APOBEC3G: variants seen among roughly 807,000 people sequenced by gnomAD.
APOBEC3G encodes the protein apolipoprotein B mRNA editing enzyme catalytic subunit 3G, also known as DNA dC->dU-editing enzyme APOBEC-3G.
APOBEC3G carries 44 observed loss-of-function variants against 50.0 expected under a neutral mutation model. That is an observed-to-expected ratio of 0.88 (90% confidence interval 0.69 to 1.13). APOBEC3G has a LOEUF of 1.13. Ranked by LOEUF, APOBEC3G falls within the 50% of genes most tolerant of loss-of-function variation. APOBEC3G has a pLI of 0.00. For missense variants in APOBEC3G, 469 were observed against 492.0 expected, an observed-to-expected ratio of 0.95 and a Z score of 0.44; for synonymous variants, 156 against 175.3, an observed-to-expected ratio of 0.89 and a Z score of 0.87.
chr22:39,086,848 T>G (rs571352467), intron 6 of APOBEC3G, among the ~76,000 whole-genome samples, 163 bp from the exon 7 acceptor site: 1 of 151,970 alleles, frequency 6.6e-6, no homozygotes, highest in African/African-American at 2.4e-5. Context: ...CAGATTCCAA[T>G]AGGAAAGAAG....
In APOBEC3G at chr22:39,081,513, A is replaced by G. The variant is rs1264811688; in HGVS notation, c.509A>G (p.Glu170Gly). 5 of 1,613,998 alleles carry G rather than the reference A, an allele frequency of 3.1e-6. No homozygotes were observed. Among genetic ancestry groups the G allele is most frequent in the Non-Finnish European group, 4.2e-6 (5 of 1,180,008 alleles). Residue 170 changes from glutamate to glycine, a missense_variant, in exon 4 of 8, where the codon GAG becomes GGG. By Grantham distance (98) the Glu-to-Gly change is moderately conservative (BLOSUM62 -2). Coordinates refer to ENST00000407997, the MANE Select transcript of APOBEC3G (RefSeq NM_021822.4). ...AGCAAGTTCGTGTACAGCCAAAGAG[A>G]GCTATTTGAGCCTTGGAATAATCTG... Reference protein sequence around the residue: ...CWSKFVYSQRELFEPWNNLPK... With the variant: ...CWSKFVYSQRGLFEPWNNLPK...
In APOBEC3G at chr22:39,077,981, C is replaced by T. The variant is rs908931072; in HGVS notation, c.17+603C>T. 1.4e-4 allele frequency among the ~76,000 whole-genome samples: 21 copies of T among 152,136 alleles called. 1 individual carries two copies. The highest frequency in any genetic ancestry group is 3.9e-4 in the African/African-American group (16 of 41,436). The stretch of plus-strand genomic sequence containing the variant: ...CACCAGTAACATGGAATATAGTGGC[C>T]GGGTGCGGTGGCTCACACCTGTCAT... On this transcript the variant is annotated intron_variant, in intron 1 of 7. Coordinates refer to ENST00000407997, the MANE Select transcript of APOBEC3G (RefSeq NM_021822.4).
At position 39,087,704 on chromosome 22, in the gene APOBEC3G, G is replaced by T; in HGVS notation, c.*283G>T. 1.9e-6 allele frequency: 1 copy of T among 517,056 alleles called. No homozygotes were observed. Among genetic ancestry groups the T allele is most frequent in the Non-Finnish European group, 3.4e-6 (1 of 296,992 alleles). The allele number at this position is 517,056 out of a possible 1,614,324, so 32.0% of individuals were successfully genotyped here. ...TCCAGCGACAATTTGAATCGGTTTT[G>T]TAGGTAGAGGAATAAAATGAAATAC... On this transcript the variant is annotated 3_prime_UTR_variant, in exon 8 of 8. Coordinates refer to ENST00000407997, the MANE Select transcript of APOBEC3G (RefSeq NM_021822.4).
chr22:39,083,379 GAGAGCGAGC>G (rs1928558335), intron 4 of APOBEC3G, among the ~76,000 whole-genome samples: 1 of 152,222 alleles, frequency 6.6e-6, no homozygotes, highest in African/African-American at 2.4e-5. Context: ...AGCAAGGACT[GAGAGCGAGC>G]AGAGCCAGGA....
At chr22:39,084,015 TG>T (rs1403566989) in intron 5 of APOBEC3G, 131 bp downstream of exon 5, 3 of 1,206,902 alleles carry the variant, frequency 2.5e-6, no homozygotes, top group Non-Finnish European at 3.4e-6. Context: ...TAGCTGCTGC[TG>T]CTTGGCCCTG....
chr22:39,080,159 G>A, intron 2 of APOBEC3G: 1 of 560,304 alleles, frequency 1.8e-6, no homozygotes, highest in Non-Finnish European at 2.4e-6. Context: ...GACATGGACA[G>A]TGCAGGTCCA....
intron 2 of APOBEC3G, chr22:39,080,151 C>A: frequency 2.0e-6 from 1 of 510,680 alleles, no homozygotes; most frequent in Non-Finnish European, 2.6e-6. Flanking sequence ...CCCCCCCCGA[C>A]ATGGACAGTG....
intron 4 of APOBEC3G, chr22:39,082,318 A>T (rs1294700835): frequency 6.6e-6 from 1 of 152,288 alleles, no homozygotes; most frequent in Non-Finnish European, 1.5e-5. Flanking sequence ...TAAGTTAATC[A>T]TCTGATGAAA....
Position 39,081,730 on chromosome 22 carries a change from C to G in APOBEC3G, c.581+145C>G. ...TGCCCCCTGCCTGCCCTCGTGGTTACACTCCCTCACCCACACTCCTCGTGC... is the reference window on the plus strand; with the variant it reads ...TGCCCCCTGCCTGCCCTCGTGGTTAGACTCCCTCACCCACACTCCTCGTGC... On this transcript the variant is annotated intron_variant, in intron 4 of 7. Transcript: ENST00000407997. 3 of 651,490 alleles carry G rather than the reference C, an allele frequency of 4.6e-6. No homozygotes were observed. In the South Asian group the frequency reaches 5.4e-5, roughly 12 times the overall value. The allele number at this position is 651,490 out of a possible 1,614,324, so 40.4% of individuals were successfully genotyped here. A position where few individuals can be genotyped will look rare whatever the true frequency, so the allele number is the denominator to read the frequency against.
chr22:39,084,964 C>G (rs1928629950), intron 5 of APOBEC3G, among the ~76,000 whole-genome samples: 1 of 152,188 alleles, frequency 6.6e-6, no homozygotes, highest in Admixed American at 6.5e-5. Flanking sequence ...ATGGGCCCTG[C>G]TGGGCCCACA....
intron 5 of APOBEC3G, among the ~76,000 whole-genome samples, chr22:39,085,236 G>A (rs1928641913): frequency 6.6e-6 from 1 of 152,222 alleles, no homozygotes; most frequent in African/African-American, 2.4e-5. Context: ...TAGTCCTGCT[G>A]GGGGCCCCTC....
intron 2 of APOBEC3G, chr22:39,080,717 G>A: frequency 1.8e-6 from 1 of 564,258 alleles, no homozygotes; most frequent in Non-Finnish European, 3.1e-6. Flanking sequence ...ATAGCTGCTT[G>A]TAGGTGCCAC....
chr22:39,081,137 T>C lies in APOBEC3G; in HGVS notation c.376T>C (p.Phe126Leu), dbSNP rs369276131. Reference protein sequence around the residue: ...LTIFVARLYYFWDPDYQEALR... With the variant: ...LTIFVARLYYLWDPDYQEALR... ...CATCTTTGTTGCCCGCCTCTACTAC[T>C]TCTGGGACCCAGATTACCAGGAGGC... is the stretch of plus-strand genomic sequence containing the variant. Residue 126 changes from phenylalanine to leucine, a missense_variant, in exon 3 of 8, where the codon TTC becomes CTC. Coordinates refer to ENST00000407997, the MANE Select transcript of APOBEC3G (RefSeq NM_021822.4). 6.2e-7 allele frequency: 1 copy of C among 1,614,124 alleles called. No individual in the cohort carries two copies. The highest frequency in any genetic ancestry group is 1.3e-5 in the African/African-American group (1 of 74,936).
Position 39,079,058 on chromosome 22 carries a change from T to G in APOBEC3G, c.144T>G (p.Pro48=), listed in dbSNP as rs374589704. 3.7e-6 allele frequency: 6 copies of G among 1,614,034 alleles called. No homozygotes were observed. In the African/African-American group the frequency reaches 8.0e-5, roughly 22 times the overall value. The change falls in exon 2 of 8, where the codon CCT becomes CCG. Residue 48 remains proline (P), a synonymous_variant. Coordinates refer to ENST00000407997, the MANE Select transcript of APOBEC3G (RefSeq NM_021822.4). ...AAACAAAGGGTCCCTCAAGGCCCCC[T>G]TTGGACGCAAAGATCTTTCGAGGCC... ...EVKTKGPSRP[P]LDAKIFRGQV... is the part of the protein sequence containing the mutation.
chr22:39,086,880 C>G, intron 6 of APOBEC3G, 131 bp from the exon 7 acceptor site: 2 of 1,161,052 alleles, frequency 1.7e-6, no homozygotes, highest in Non-Finnish European at 2.4e-6. Flanking sequence ...GGAGCTAAGT[C>G]CCTAGGGGAG....
intron 7 of APOBEC3G, 72 bp downstream of exon 7, chr22:39,087,198 T>C: frequency 1.2e-6 from 2 of 1,608,562 alleles, no homozygotes; most frequent in East Asian, 2.2e-5. Flanking sequence ...CGCCGTGCCT[T>C]CCCCTCTGCT....
intron 4 of APOBEC3G, chr22:39,083,100 C>G (rs17496025): frequency 0.084 from 12,725 of 152,392 alleles, 630 homozygotes; most frequent in African/African-American, 0.14. Context: ...CCTCTGTCCA[C>G]TCCAGGGTGA....
intron 5 of APOBEC3G, among the ~76,000 whole-genome samples, chr22:39,084,530 A>G (rs1449145152): frequency 7.4e-5 from 2 of 27,054 alleles, no homozygotes; most frequent in East Asian, 2.7e-3. Context: ...CGTCTCAAGA[A>G]AAAAAAAAAA....
At chr22:39,077,088 G>A (rs1601515905), upstream of APOBEC3G, 2 of 589,850 alleles carry the variant, frequency 3.4e-6, no homozygotes, top group South Asian at 4.2e-5. Flanking sequence ...CAATTGCCTT[G>A]GGTCCTGCCG....
Sources: allele counts gnomAD v4.1 joint callset (sites outside exome capture counted in the v4.1 genomes callset), GRCh38; gene constraint gnomAD v4.1.1; transcripts MANE v1.5; gene names NCBI Gene and HGNC (gene_info 2026-07-23, HGNC 2026-07-21).